TRHR: variants seen among roughly 807,000 people sequenced by gnomAD.
The protein encoded by TRHR is thyrotropin releasing hormone receptor.
Under a neutral mutation model 28.0 loss-of-function variants are expected in TRHR, and 14 were observed. The ratio of observed to expected loss-of-function variants is 0.50; its 90% confidence interval spans 0.33 to 0.78. The LOEUF is 0.78. TRHR is among the 30% of genes least tolerant of loss of function. The probability of loss-of-function intolerance (pLI) is 0.02; values close to 1 mark genes in which losing one functional copy is unlikely to be tolerated. For missense variants in TRHR, 438 were observed against 469.5 expected (o/e 0.93, Z 0.62); for synonymous variants, 176 against 171.9 (o/e 1.02, Z -0.18).
intron 2 of TRHR, among the ~76,000 whole-genome samples, chr8:109,106,193 C>T (rs565891070): frequency 4.7e-4 from 72 of 152,080 alleles, no homozygotes; most frequent in Non-Finnish European, 9.9e-4. Context: ...TCAACAGGCC[C>T]TAAAAATACC....
chr8:109,097,716 T>A (rs1292515903), intron 2 of TRHR, among the ~76,000 whole-genome samples: 1 of 152,170 alleles, frequency 6.6e-6, no homozygotes, highest in African/African-American at 2.4e-5. Context: ...GCAGAAGTAG[T>A]CAATGAGGCC....
At chr8:109,101,601 T>C (rs1319523729) in intron 2 of TRHR, among the ~76,000 whole-genome samples, 2 of 151,602 alleles carry the variant, frequency 1.3e-5, no homozygotes, top group African/African-American at 2.4e-5. Flanking sequence ...TAGCTACTGT[T>C]ATTATTAATT....
chr8:109,110,379 T>A (rs1306178634), intron 2 of TRHR, among the ~76,000 whole-genome samples: 1 of 151,830 alleles, frequency 6.6e-6, no homozygotes, highest in South Asian at 2.1e-4. Context: ...CGATAACTTG[T>A]CTGTGAGAAA....
At chr8:109,106,603 T>C (rs921980490) in intron 2 of TRHR, among the ~76,000 whole-genome samples, 2 of 152,140 alleles carry the variant, frequency 1.3e-5, no homozygotes, top group Non-Finnish European at 2.9e-5. Flanking sequence ...GAAGGAATCT[T>C]TACACATTGA....
intron 2 of TRHR, among the ~76,000 whole-genome samples, chr8:109,118,444 C>T (rs1230139561): frequency 6.6e-6 from 1 of 151,826 alleles, no homozygotes; most frequent in Non-Finnish European, 1.5e-5. Flanking sequence ...ATTTCTTAGG[C>T]CACACATAGG....
chr8:109,118,920 A>G (rs1290354314), intron 2 of TRHR, 128 bp from the exon 3 acceptor site: 1 of 1,165,176 alleles, frequency 8.6e-7, no homozygotes. Flanking sequence ...CTCCCCAATA[A>G]ATGACCTGCA....
chr8:109,120,762 A>C lies in TRHR; in HGVS notation c.*1307A>C, dbSNP rs748924176. 6.5e-4 allele frequency among the ~76,000 whole-genome samples: 99 copies of C among 151,796 alleles called. No homozygotes were observed. In the Middle Eastern group the frequency reaches 0.01, roughly 16 times the overall value. ...AATGAATCTGTCCAGGACACTTGTC[A>C]GTTCCTACCTGAATCTCTTACCTAT... On this transcript the variant is annotated 3_prime_UTR_variant, in exon 3 of 3. Coordinates refer to ENST00000518632, the MANE Select transcript of TRHR (RefSeq NM_003301.7).
chr8:109,112,907 C>G (rs1011865632), intron 2 of TRHR, among the ~76,000 whole-genome samples: 5 of 152,154 alleles, frequency 3.3e-5, no homozygotes, highest in South Asian at 4.2e-4. Context: ...ACTTGTCCTA[C>G]AAATTTCAGA....
chr8:109,091,124 G>A (rs1811512617), intron 2 of TRHR, among the ~76,000 whole-genome samples: 2 of 152,196 alleles, frequency 1.3e-5, no homozygotes, highest in Admixed American at 1.3e-4. Context: ...AGAGAGATTG[G>A]TGGAAGAAAG....
At chr8:109,090,537 T>C (rs1811502588) in intron 2 of TRHR, among the ~76,000 whole-genome samples, 1 of 152,160 alleles carries the variant, frequency 6.6e-6, no homozygotes, top group Admixed American at 6.5e-5. Context: ...AACACCCTAA[T>C]TGAGAAACAT....
rs1811972252 is a variant in TRHR, at chr8:109,119,435, G to C, written c.1177G>C (p.Val393Leu). ...SFDDTCLASE[V>L]SFSQS ...TGATGACACCTGCTTGGCTTCTGAG[G>C]TATCCTTTAGCCAAAGTTGATTCAT... The change falls in exon 3 of 3, where the codon GTA (valine) becomes CTA (leucine). Residue 393 changes from valine to leucine, a missense_variant. Transcript: ENST00000518632. 6.2e-7 allele frequency: 1 copy of C among 1,612,054 alleles called. No homozygotes were observed. The highest frequency in any genetic ancestry group is 1.3e-5 in the African/African-American group (1 of 74,882).
At position 109,120,181 on chromosome 8, in the gene TRHR, A is replaced by G. The variant is rs1286296864; in HGVS notation, c.*726A>G. Among the ~76,000 whole-genome samples the G allele has an allele frequency of 6.6e-6, 1 of 151,884 alleles. No individual in the cohort carries two copies. The highest frequency in any genetic ancestry group is 1.5e-5 in the Non-Finnish European group (1 of 67,874). ...CTCTTATCAACTCTTCCAGCCTCCC[A>G]CATGATGGGTGGAAAAAGGCAAAAG... On this transcript the variant is annotated 3_prime_UTR_variant, in exon 3 of 3. Coordinates refer to ENST00000518632, the MANE Select transcript of TRHR (RefSeq NM_003301.7).
At chr8:109,114,683 T>C (rs1811891584) in intron 2 of TRHR, among the ~76,000 whole-genome samples, 1 of 152,092 alleles carries the variant, frequency 6.6e-6, no homozygotes, top group African/African-American at 2.4e-5. Flanking sequence ...ACTTAATCTC[T>C]GCAAGAACAG....
rs1025599456 is a variant in TRHR at position 109,120,137 on chromosome 8, G to T, written c.*682G>T. ...AAATTATTAATTAAGGAGAAATGTA[G>T]ATTTTAAGATAAATCCAACTCTTAT... On this transcript the variant is annotated 3_prime_UTR_variant, in exon 3 of 3. Coordinates refer to ENST00000518632, the MANE Select transcript of TRHR (RefSeq NM_003301.7). Among the ~76,000 whole-genome samples the T allele has an allele frequency of 6.6e-6, 1 of 151,696 alleles. No homozygotes were observed. The highest frequency in any genetic ancestry group is 1.9e-4 in the East Asian group (1 of 5,152).
At chr8:109,108,173 A>C (rs1347075947) in intron 2 of TRHR, among the ~76,000 whole-genome samples, 2 of 152,204 alleles carry the variant, frequency 1.3e-5, no homozygotes, top group Non-Finnish European at 2.9e-5. Flanking sequence ...GACTTTGTCC[A>C]AGATTTTTAG....
intron 2 of TRHR, among the ~76,000 whole-genome samples, chr8:109,091,109 AAG>A (rs1424703883): frequency 1.4e-4 from 22 of 152,162 alleles, no homozygotes; most frequent in Admixed American, 1.4e-3. Flanking sequence ...GGCAGATTTG[AAG>A]AGAGAGAGAT....
At chr8:109,107,172 A>G (rs1477045132) in intron 2 of TRHR, among the ~76,000 whole-genome samples, 4 of 152,226 alleles carry the variant, frequency 2.6e-5, no homozygotes, top group African/African-American at 9.6e-5. Context: ...TGTTTAAAAT[A>G]TAAAGTGTTC....
At chr8:109,118,116 A>G (rs1811946158) in intron 2 of TRHR, among the ~76,000 whole-genome samples, 1 of 151,846 alleles carries the variant, frequency 6.6e-6, no homozygotes, top group African/African-American at 2.4e-5. Flanking sequence ...AGAGTGCAAA[A>G]GCTTTGAATT....
rs779716546 is a variant in TRHR at position 109,089,198 on chromosome 8, T to C, written c.789+897T>C. Among the ~76,000 whole-genome samples the C allele has an allele frequency of 3.3e-5, 5 of 152,110 alleles. No individual in the cohort carries two copies. The South Asian group carries it at 1.0e-3, about 32-fold the overall frequency. On this transcript the variant is annotated intron_variant, in intron 2 of 2. Coordinates refer to ENST00000518632, the MANE Select transcript of TRHR (RefSeq NM_003301.7). ...GGTTACTGACAAACTTAGCTTGAAG[T>C]TTCTTTTCCTTCTTTGTTAAACATA...
Sources: gnomAD v4.1 joint callset for allele counts (sites outside exome capture counted in the v4.1 genomes callset) on GRCh38, gnomAD v4.1.1 for gene constraint, MANE v1.5 for transcripts, NCBI Gene and HGNC (gene_info 2026-07-23, HGNC 2026-07-21) for gene names.